The following AKAP3 variants were observed in gnomAD, a reference collection of about 807,000 sequenced individuals.
AKAP3 encodes the protein A-kinase anchoring protein 3.
In AKAP3, 27 loss-of-function variants were observed where a neutral mutation model predicts 57.2. The observed-to-expected ratio is 0.47, with a 90% confidence interval of 0.35 to 0.65. The LOEUF (loss-of-function observed/expected upper bound fraction) is 0.65, where lower values mean the gene tolerates loss of function less well. Among genes scored for constraint, AKAP3 ranks in the 30% least tolerant of loss-of-function variants. AKAP3 has a pLI of 0.01. For synonymous variants in AKAP3, 334 were observed against 392.3 expected (o/e 0.85, Z 1.76); for missense variants, 959 against 1,040.0 (o/e 0.92, Z 1.07).
intron 4 of AKAP3, among the ~76,000 whole-genome samples, chr12:4,634,608 C>T (rs1011208903): frequency 6.6e-6 from 1 of 152,082 alleles, no homozygotes; most frequent in African/African-American, 2.4e-5. Context: ...ATCACAGACA[C>T]CTGGTTTATT....
At chr12:4,630,229 G>T (rs1440398735) in intron 4 of AKAP3, among the ~76,000 whole-genome samples, 1 of 152,112 alleles carries the variant, frequency 6.6e-6, no homozygotes, top group Non-Finnish European at 1.5e-5. Flanking sequence ...TGTTTGCCAG[G>T]CTCTGTGCTA....
chr12:4,623,478 G>T (rs1480773413), intron 5 of AKAP3, among the ~76,000 whole-genome samples: 1 of 152,152 alleles, frequency 6.6e-6, no homozygotes, highest in Non-Finnish European at 1.5e-5. Context: ...GCAGTTGGAG[G>T]CCATTGCCAT....
At position 4,624,824 on chromosome 12, in the gene AKAP3, G is replaced by GTA. The variant is rs1555126705; in HGVS notation, c.2406+1670_2406+1671dup. 2.8e-5 allele frequency among the ~76,000 whole-genome samples: 4 copies of GTA among 141,098 alleles called. 1 individual carries two copies. The highest frequency in any genetic ancestry group is 7.2e-5 in the Admixed American group (1 of 13,904). 92.6% of individuals were successfully genotyped at this position (141,098 alleles called of 152,430 possible). The stretch of plus-strand genomic sequence containing the variant: ...AGTAGACAAAGGTGTGTGTGTGTGT[G>GTA]TATATAAAAGTGGGGGACTGCAAGT... On this transcript the variant is annotated intron_variant, in intron 5 of 5. Transcript: ENST00000228850.
chr12:4,639,511 T>G lies in AKAP3; in HGVS notation c.1-1315A>C, dbSNP rs143193445. Among the ~76,000 whole-genome samples the G allele has an allele frequency of 6.8e-3, 1,031 of 152,260 alleles. 8 individuals are homozygous for G. The highest frequency in any genetic ancestry group is 0.023 in the African/African-American group (972 of 41,528). On this transcript the variant is annotated intron_variant, in intron 3 of 5. Coordinates refer to ENST00000228850, the MANE Select transcript of AKAP3 (RefSeq NM_001278309.2). ...TTACATATGTATACGTGTGCTGTCT[T>G]GGTTTGCTGCCCCCATTAGCTCATC...
intron 5 of AKAP3, among the ~76,000 whole-genome samples, chr12:4,617,691 G>C (rs1945301843): frequency 6.7e-6 from 1 of 149,116 alleles, no homozygotes. Context: ...GGCTGAGGTT[G>C]CAATGAGCCG....
At chr12:4,616,009 G>T in intron 5 of AKAP3, 115 bp from the exon 6 acceptor site, 1 of 1,299,110 alleles carries the variant, frequency 7.7e-7, no homozygotes. Context: ...CTGCAACACA[G>T]ACTTTAAAGT....
chr12:4,647,662 T>C (rs2137455568), intron 1 of AKAP3, among the ~76,000 whole-genome samples: 1 of 152,366 alleles, frequency 6.6e-6, no homozygotes, highest in East Asian at 1.9e-4. Flanking sequence ...TCAGGATCTG[T>C]TGATCCGAAC....
intron 5 of AKAP3, among the ~76,000 whole-genome samples, chr12:4,624,313 TTACGTGTG>T (rs980097724): frequency 8.9e-6 from 1 of 112,078 alleles, no homozygotes; most frequent in Non-Finnish European, 1.8e-5. Context: ...ATTTGTGACT[TTACGTGTG>T]TGTGTGTGTG....
At position 4,627,842 on chromosome 12, in the gene AKAP3, A is replaced by T. The variant is rs956177418; in HGVS notation, c.1060T>A (p.Phe354Ile). The T allele has an allele frequency of 3.7e-5, 59 of 1,614,008 alleles. No homozygotes were observed. The highest frequency in any genetic ancestry group is 4.3e-5 in the Non-Finnish European group (51 of 1,180,022). The change falls in exon 5 of 6, where the codon TTT (phenylalanine) becomes ATT (isoleucine). Residue 354 changes from phenylalanine (F) to isoleucine (I), a missense_variant. By Grantham distance (21) the Phe-to-Ile change is conservative. Coordinates refer to ENST00000228850, the MANE Select transcript of AKAP3 (RefSeq NM_001278309.2). Reference protein sequence around the residue: ...VTGTLMTDTQFVSAVKRTVFS... With the variant: ...VTGTLMTDTQIVSAVKRTVFS... Reference sequence around the variant, plus strand: ...ACAGTTCTTTTCACAGCCGAGACAAACTGTGTGTCAGTCATGAGGGTCCCT... The same window carrying T: ...ACAGTTCTTTTCACAGCCGAGACAATCTGTGTGTCAGTCATGAGGGTCCCT...
In AKAP3 at chr12:4,625,567, T is replaced by C. The variant is rs931166700; in HGVS notation, c.2406+929A>G. 1.3e-5 allele frequency among the ~76,000 whole-genome samples: 2 copies of C among 152,186 alleles called. No homozygotes were observed. Among genetic ancestry groups the C allele is most frequent in the Admixed American group, 6.5e-5 (1 of 15,276 alleles). On this transcript the variant is annotated intron_variant, in intron 5 of 5. Transcript: ENST00000228850. The surrounding 1 kb of genome is among the most constrained non-coding windows in gnomAD (Gnocchi z 5.4). ...GTTTTTCCTTATCTTCTGATTCCTA[T>C]GATGATGAAATTTTCTAAATAATTC...
intron 5 of AKAP3, among the ~76,000 whole-genome samples, chr12:4,619,296 T>C (rs953421862): frequency 6.6e-6 from 1 of 152,322 alleles, no homozygotes; most frequent in East Asian, 1.9e-4. Context: ...TGGTGGCTCA[T>C]GCCTGTTTTC....
rs745982761 is a variant in AKAP3, at chr12:4,628,290, T to A, written c.612A>T (p.Gly204=). 14 of 1,614,020 alleles carry A rather than the reference T, an allele frequency of 8.7e-6. No individual in the cohort carries two copies. The East Asian group carries it at 2.9e-4, about 33-fold the overall frequency. The change falls in exon 5 of 6, where the codon GGA becomes GGT. Residue 204 remains glycine (G), a synonymous_variant. Coordinates refer to ENST00000228850, the MANE Select transcript of AKAP3 (RefSeq NM_001278309.2). Reference sequence around the variant, plus strand: ...TCAAATTTGGGGGACTTTGTGATGATCCCGAGACTCTGTCTCCAGAGCCAG... The same window carrying A: ...TCAAATTTGGGGGACTTTGTGATGAACCCGAGACTCTGTCTCCAGAGCCAG... ...KAPGSGDRVS[G]SSQSPPNLKY...
At chr12:4,624,217 C>T (rs1479466958) in intron 5 of AKAP3, among the ~76,000 whole-genome samples, 1 of 151,454 alleles carries the variant, frequency 6.6e-6, no homozygotes, top group Admixed American at 6.6e-5. Flanking sequence ...GAAATGGCTT[C>T]ATATATTATA....
chr12:4,648,548 A>C (rs1416708633), intron 1 of AKAP3, 197 bp downstream of exon 1: 1 of 152,296 alleles, frequency 6.6e-6, no homozygotes, highest in Non-Finnish European at 1.5e-5. Context: ...ATTCCAGGAA[A>C]CGCGAACAGC....
intron 5 of AKAP3, among the ~76,000 whole-genome samples, chr12:4,616,527 T>G (rs1321088252): frequency 2.0e-5 from 3 of 152,228 alleles, no homozygotes; most frequent in Non-Finnish European, 4.4e-5. Flanking sequence ...ATTTTGCTCT[T>G]GACTTTTTAC....
At chr12:4,629,348 T>C (rs1945468959) in intron 4 of AKAP3, among the ~76,000 whole-genome samples, 2 of 152,206 alleles carry the variant, frequency 1.3e-5, no homozygotes, top group African/African-American at 4.8e-5. Context: ...ACCCAGTTGA[T>C]CATTGATGGG....
intron 4 of AKAP3, 118 bp downstream of exon 4, chr12:4,637,983 C>T (rs985283254): frequency 7.7e-6 from 7 of 904,696 alleles, no homozygotes; most frequent in Non-Finnish European, 1.3e-5. Context: ...TTCCCACCTG[C>T]CTCAAGAATC....
In AKAP3 at chr12:4,626,887, T is replaced by C. The variant is rs1278751503; in HGVS notation, c.2015A>G (p.His672Arg). The C allele has an allele frequency of 1.9e-6, 3 of 1,613,990 alleles. No homozygotes were observed. Among genetic ancestry groups the C allele is most frequent in the Non-Finnish European group, 2.5e-6 (3 of 1,180,024 alleles). Residue 672 changes from histidine (H) to arginine (R), a missense_variant, in exon 5 of 6, where the codon CAT becomes CGT. Physicochemically the swap from His to Arg is conservative, Grantham distance 29. Coordinates refer to ENST00000228850, the MANE Select transcript of AKAP3 (RefSeq NM_001278309.2). The stretch of plus-strand genomic sequence containing the variant: ...CAGCTTCATCACTGAGTTCATCAGA[T>C]GTTCTACCATCTGCCCACTCATGTG... The part of the protein sequence containing the change: ...DGHMSGQMVE[H>R]LMNSVMKLCV...
rs115035812 is a variant in AKAP3 at position 4,640,212 on chromosome 12, A to T, written c.-1+1687T>A. The stretch of plus-strand genomic sequence containing the variant: ...AACAAACAAAAAAAACTCTGCTCAG[A>T]TCTATACTTCTCAATTATCAAGGTG... On this transcript the variant is annotated intron_variant, in intron 3 of 5. Transcript: ENST00000228850. Among the ~76,000 whole-genome samples, 1,164 of 152,312 alleles carry T rather than the reference A, an allele frequency of 7.6e-3. 16 individuals carry two copies. The highest frequency in any genetic ancestry group is 0.027 in the African/African-American group (1,102 of 41,556).
Sources: gnomAD v4.1 joint callset for allele counts (sites outside exome capture counted in the v4.1 genomes callset) on GRCh38, gnomAD v4.1.1 for gene constraint, Gnocchi (gnomAD v3.1) non-coding constraint, MANE v1.5 for transcripts, NCBI Gene and HGNC (gene_info 2026-07-23, HGNC 2026-07-21) for gene names.